DNAH12: variants seen among roughly 807,000 people sequenced by gnomAD.
DNAH12 encodes the protein axonemal beta dynein heavy chain 12.
Under a neutral mutation model 371.5 loss-of-function variants are expected in DNAH12, and 285 were observed. The observed-to-expected ratio is 0.77, with a 90% CI of 0.70 to 0.85. The LOEUF (loss-of-function observed/expected upper bound fraction) is 0.85. DNAH12 is among the 40% of genes least tolerant of loss of function. The pLI is 0.00. For missense variants in DNAH12, 3,611 were observed against 3,689.4 expected, an observed-to-expected ratio of 0.98 and a Z score of 0.55; for synonymous variants, 1,200 against 1,213.0, an observed-to-expected ratio of 0.99 and a Z score of 0.22.
At chr3:57,446,492 G>GT in intron 26 of DNAH12, 45 bp downstream of exon 26, 1 of 1,495,278 alleles carries the variant, frequency 6.7e-7, no homozygotes. Context: ...AGACCTAGCT[G>GT]TAAGTTTGAA....
At chr3:57,438,687 C>A (rs1050989101) in intron 29 of DNAH12, among the ~76,000 whole-genome samples, 2 of 151,638 alleles carry the variant, frequency 1.3e-5, no homozygotes, top group Non-Finnish European at 2.9e-5. Flanking sequence ...GCGCGGTGGC[C>A]CACGTCTGTA....
chr3:57,529,672 C>CA (rs767082396), intron 2 of DNAH12, among the ~76,000 whole-genome samples: 30 of 151,772 alleles, frequency 2.0e-4, no homozygotes, highest in Non-Finnish European at 4.1e-4. Context: ...TTTAACTTTT[C>CA]AAAAAAATCA....
chr3:57,409,936 T>C (rs1397335361), intron 39 of DNAH12, among the ~76,000 whole-genome samples: 1 of 152,074 alleles, frequency 6.6e-6, no homozygotes, highest in Non-Finnish European at 1.5e-5. Context: ...ATCTCAAAGA[T>C]ATGGTAGGTA....
intron 57 of DNAH12, among the ~76,000 whole-genome samples, chr3:57,366,369 G>A (rs1417179158): frequency 6.6e-6 from 1 of 152,134 alleles, no homozygotes; most frequent in African/African-American, 2.4e-5. Context: ...GCTCTATGGA[G>A]CAGCCATTCT....
chr3:57,405,762 T>A lies in DNAH12; in HGVS notation c.6467A>T (p.Asn2156Ile), dbSNP rs996189445. 54 of 1,551,564 alleles carry A rather than the reference T, an allele frequency of 3.5e-5. No individual in the cohort carries two copies. The highest frequency in any genetic ancestry group is 4.4e-5 in the Non-Finnish European group (51 of 1,146,984). ...GAACAGCCATCTTCGATCATCATCATTAATGAGGCGATCATAAAACACTCG... is the reference window on the plus strand; with the variant it reads ...GAACAGCCATCTTCGATCATCATCAATAATGAGGCGATCATAAAACACTCG... ...VLRVFYDRLI[N>I]DDDRRWLFQL... The change falls in exon 41 of 74, where the codon AAT becomes ATT. Residue 2156 changes from asparagine (N) to isoleucine (I), a missense_variant. Transcript: ENST00000495027.
chr3:57,298,833 A>T (rs756252141), intron 70 of DNAH12, among the ~76,000 whole-genome samples: 1 of 152,166 alleles, frequency 6.6e-6, no homozygotes, highest in Non-Finnish European at 1.5e-5. Context: ...CTTTAGATAC[A>T]TGGCTTGTCC....
intron 2 of DNAH12, among the ~76,000 whole-genome samples, chr3:57,533,463 AG>A (rs2068919084): frequency 6.6e-6 from 1 of 151,802 alleles, no homozygotes; most frequent in African/African-American, 2.4e-5. Flanking sequence ...GGATAATTTC[AG>A]ACAAGCCAGC....
intron 36 of DNAH12, among the ~76,000 whole-genome samples, chr3:57,421,267 TA>T (rs1203067760): frequency 5.3e-5 from 8 of 152,160 alleles, no homozygotes; most frequent in African/African-American, 1.9e-4. Flanking sequence ...ACTTGCTGTT[TA>T]AAAAATGCTT....
chr3:57,377,715 T>C (rs1040486736), intron 52 of DNAH12, among the ~76,000 whole-genome samples: 13 of 152,060 alleles, frequency 8.5e-5, no homozygotes, highest in African/African-American at 3.1e-4. Flanking sequence ...AAAACCTCAA[T>C]GCTCAGTTTC....
intron 12 of DNAH12, among the ~76,000 whole-genome samples, chr3:57,488,972 G>A (rs1379980305): frequency 1.3e-5 from 2 of 152,036 alleles, no homozygotes; most frequent in Non-Finnish European, 2.9e-5. Context: ...ACGTGCGTGT[G>A]TGTACTAATT....
the DNAH12 span, among the ~76,000 whole-genome samples, chr3:57,549,855 C>T: frequency 6.6e-6 from 1 of 151,966 alleles, no homozygotes; most frequent in Non-Finnish European, 1.5e-5. Flanking sequence ...AACTCCTGGG[C>T]TTATGCAGTC....
intron 45 of DNAH12, among the ~76,000 whole-genome samples, chr3:57,389,976 C>T (rs1378737954): frequency 1.3e-5 from 2 of 150,112 alleles, no homozygotes; most frequent in African/African-American, 4.9e-5. Flanking sequence ...GCTGGGACTA[C>T]AGGCGTGCAC....
chr3:57,351,989 A>C, intron 60 of DNAH12, 96 bp downstream of exon 60: 1 of 1,282,652 alleles, frequency 7.8e-7, no homozygotes. Context: ...TTAAGCGAAG[A>C]AAAATATAGA....
chr3:57,520,670 T>C (rs1048586400), intron 4 of DNAH12, among the ~76,000 whole-genome samples: 27 of 151,656 alleles, frequency 1.8e-4, no homozygotes, highest in African/African-American at 6.3e-4. Context: ...CTCGATCTCC[T>C]GAGCTCATGA....
At chr3:57,423,153 T>C (rs1450343031) in intron 35 of DNAH12, among the ~76,000 whole-genome samples, 2 of 152,144 alleles carry the variant, frequency 1.3e-5, no homozygotes, top group South Asian at 2.1e-4. Context: ...AAAGTAAATA[T>C]ATATTCAGAG....
intron 25 of DNAH12, among the ~76,000 whole-genome samples, chr3:57,449,701 C>A (rs2065685505): frequency 6.6e-6 from 1 of 152,204 alleles, no homozygotes; most frequent in Non-Finnish European, 1.5e-5. Flanking sequence ...GCGCCGCACG[C>A]AGCCTTGGTT....
intron 37 of DNAH12, among the ~76,000 whole-genome samples, chr3:57,416,631 G>A (rs1377983965): frequency 6.6e-6 from 1 of 152,128 alleles, no homozygotes; most frequent in Admixed American, 6.5e-5. Flanking sequence ...GATCTCAATA[G>A]CCAAAGGTTT....
intron 40 of DNAH12, among the ~76,000 whole-genome samples, chr3:57,406,846 T>C (rs1293735704): frequency 2.0e-5 from 3 of 152,178 alleles, no homozygotes; most frequent in Non-Finnish European, 2.9e-5. Flanking sequence ...AACGTTCTCT[T>C]AAAGGAAGGT....
At chr3:57,428,415 T>G (rs2064850197) in intron 34 of DNAH12, 1 of 1,504,256 alleles carries the variant, frequency 6.6e-7, no homozygotes, top group Non-Finnish European at 8.9e-7. Context: ...TTTTTAAAAT[T>G]TTAGACACTA....
Sources: allele counts gnomAD v4.1 joint callset (sites outside exome capture counted in the v4.1 genomes callset), GRCh38; gene constraint gnomAD v4.1.1; transcripts MANE v1.5; gene names NCBI Gene and HGNC (gene_info 2026-07-23, HGNC 2026-07-21).